Variants in RANBP2 observed in about 807,000 individuals in gnomAD.
RANBP2 encodes the protein E3 SUMO-protein ligase RanBP2.
A neutral mutation model predicts 303.6 loss-of-function variants in RANBP2; 57 were observed. The observed-to-expected ratio is 0.19, with a 90% CI of 0.15 to 0.23. The LOEUF (loss-of-function observed/expected upper bound fraction) is 0.23, where lower values mean the gene tolerates loss of function less well. Ranked by LOEUF, RANBP2 falls within the 10% of genes least tolerant of loss-of-function variation. RANBP2 has a pLI of 1.00. For missense variants in RANBP2, 3,138 were observed against 3,780.8 expected, an observed-to-expected ratio of 0.83 and a Z score of 4.46; for synonymous variants, 1,167 against 1,301.5, an observed-to-expected ratio of 0.90 and a Z score of 2.23.
At chr2:109,461,144 C>T in the RANBP2 span, among the ~76,000 whole-genome samples, 3 of 152,226 alleles carry the variant, frequency 2.0e-5, no homozygotes, top group African/African-American at 7.2e-5. Flanking sequence ...TGCTCTAACC[C>T]GATCATGTGT....
chr2:109,235,560 G>T, the RANBP2 span, among the ~76,000 whole-genome samples: 6 of 152,240 alleles, frequency 3.9e-5, no homozygotes, highest in Non-Finnish European at 7.3e-5. Flanking sequence ...GAAGTGACTG[G>T]TAAGATGGTT....
At chr2:109,176,379 C>T in the RANBP2 span, among the ~76,000 whole-genome samples, 2 of 151,692 alleles carry the variant, frequency 1.3e-5, no homozygotes, top group African/African-American at 4.9e-5. Flanking sequence ...GAGAGAACAC[C>T]ATGTGCAATG....
In RANBP2 at chr2:108,753,007, C is replaced by G. The variant is rs560012069; in HGVS notation, c.1765C>G (p.Leu589Val). Residue 589 changes from leucine to valine, a missense_variant, in exon 13 of 29, where the codon CTT becomes GTT. Coordinates refer to ENST00000283195, the MANE Select transcript of RANBP2 (RefSeq NM_006267.5). ...AECLQKTGSGLNSFYDQREYI... is the reference protein window; with the variant it reads ...AECLQKTGSGVNSFYDQREYI... ...TAACTTTCTTTTTTAGGGCAGCGGT[C>G]TTAATTCTTTTTATGATCAACGAGA... is the stretch of plus-strand genomic sequence containing the variant. 6.0e-5 allele frequency: 96 copies of G among 1,608,472 alleles called. 1 individual carries two copies. In the South Asian group the frequency reaches 1.1e-3, roughly 18 times the overall value.
chr2:108,875,260 G>A, the RANBP2 span, among the ~76,000 whole-genome samples: 5 of 148,374 alleles, frequency 3.4e-5, no homozygotes, highest in South Asian at 4.2e-4. Flanking sequence ...TAAGAAACAC[G>A]TATACATATG....
the RANBP2 span, among the ~76,000 whole-genome samples, chr2:109,067,358 G>A: frequency 2.0e-5 from 3 of 152,182 alleles, no homozygotes; most frequent in Non-Finnish European, 2.9e-5. Context: ...TAAAAACACC[G>A]TGGGCAGTGA....
the RANBP2 span, among the ~76,000 whole-genome samples, chr2:109,013,862 C>CCA: frequency 1.3e-5 from 2 of 152,160 alleles, no homozygotes; most frequent in Non-Finnish European, 2.9e-5. Flanking sequence ...CAGGCATGAA[C>CCA]CACCACACCC....
chr2:109,671,339 T>A, the RANBP2 span, among the ~76,000 whole-genome samples: 1 of 151,814 alleles, frequency 6.6e-6, no homozygotes, highest in Non-Finnish European at 1.5e-5. Context: ...GTAGGAGCCT[T>A]GTAGGGAGGG....
At chr2:109,427,588 G>A in the RANBP2 span, among the ~76,000 whole-genome samples, 6 of 152,146 alleles carry the variant, frequency 3.9e-5, no homozygotes, top group Admixed American at 1.3e-4. Flanking sequence ...TTCACACTTC[G>A]GGAGTCCCTG....
At chr2:109,010,448 C>T in the RANBP2 span, among the ~76,000 whole-genome samples, 2 of 152,052 alleles carry the variant, frequency 1.3e-5, no homozygotes, top group East Asian at 3.9e-4. Flanking sequence ...TCTTAGTCAG[C>T]TTGGGCTGCT....
At chr2:109,401,657 A>T in the RANBP2 span, among the ~76,000 whole-genome samples, 46,777 of 152,134 alleles carry the variant, frequency 0.31, 8,544 homozygotes, top group Non-Finnish European at 0.41. Context: ...GGCCAGGGGC[A>T]TCTTCTCTGC....
At chr2:109,506,134 A>G in the RANBP2 span, among the ~76,000 whole-genome samples, 8 of 152,114 alleles carry the variant, frequency 5.3e-5, no homozygotes, top group Non-Finnish European at 1.0e-4. Flanking sequence ...ACAGTAGTCT[A>G]CCACTTGGCC....
At chr2:108,958,524 C>A in the RANBP2 span, among the ~76,000 whole-genome samples, 17 of 152,090 alleles carry the variant, frequency 1.1e-4, no homozygotes, top group Admixed American at 3.3e-4. Flanking sequence ...AACAGGGGGG[C>A]ATGGCAAGAC....
chr2:109,080,819 G>C, the RANBP2 span, among the ~76,000 whole-genome samples: 12 of 152,162 alleles, frequency 7.9e-5, no homozygotes, highest in Non-Finnish European at 1.6e-4. Context: ...AACTAGTAGG[G>C]GGTTGTATTA....
the RANBP2 span, among the ~76,000 whole-genome samples, chr2:109,178,098 C>A: frequency 6.6e-6 from 1 of 152,186 alleles, no homozygotes; most frequent in Admixed American, 6.5e-5. Flanking sequence ...AAAATATTTT[C>A]TCTTTCTATA....
the RANBP2 span, among the ~76,000 whole-genome samples, chr2:108,911,457 A>G: frequency 1.1e-4 from 17 of 152,340 alleles, no homozygotes; most frequent in African/African-American, 3.4e-4. Flanking sequence ...TTTCCAAACA[A>G]AAGTCAGGAT....
At chr2:109,265,499 T>G in the RANBP2 span, among the ~76,000 whole-genome samples, 6 of 152,224 alleles carry the variant, frequency 3.9e-5, no homozygotes, top group African/African-American at 1.4e-4. Flanking sequence ...GGCACCCTGC[T>G]GCCCACCCTT....
the RANBP2 span, among the ~76,000 whole-genome samples, chr2:109,372,722 C>T: frequency 6.6e-6 from 1 of 152,156 alleles, no homozygotes; most frequent in African/African-American, 2.4e-5. Context: ...ACACCATATC[C>T]TGCCTCTCCA....
At chr2:108,932,550 AAAG>A in the RANBP2 span, among the ~76,000 whole-genome samples, 4 of 150,604 alleles carry the variant, frequency 2.7e-5, no homozygotes, top group Middle Eastern at 6.8e-3. Flanking sequence ...AAAAAAAAAA[AAAG>A]AAAGAAATTA....
the RANBP2 span, among the ~76,000 whole-genome samples, chr2:109,240,712 C>T: frequency 6.6e-6 from 1 of 152,128 alleles, no homozygotes; most frequent in African/African-American, 2.4e-5. Flanking sequence ...TCCCTCCCTC[C>T]CACCTCTGAG....
Sources: allele counts gnomAD v4.1 joint callset (sites outside exome capture counted in the v4.1 genomes callset), GRCh38; gene constraint gnomAD v4.1.1; transcripts MANE v1.5; gene names NCBI Gene and HGNC (gene_info 2026-07-23, HGNC 2026-07-21).